The following KCNJ15 variants were observed in gnomAD, a reference collection of about 807,000 sequenced individuals.
KCNJ15 encodes the protein potassium inwardly rectifying channel subfamily J member 15.
KCNJ15 carries 14 observed loss-of-function variants against 23.0 expected under a neutral mutation model. The ratio of observed to expected loss-of-function variants is 0.61; its 90% CI spans 0.40 to 0.95. The LOEUF (loss-of-function observed/expected upper bound fraction) is 0.95. KCNJ15 is among the 40% of genes least tolerant of loss of function. The probability of loss-of-function intolerance (pLI) is 0.00; values close to 1 mark genes in which losing one functional copy is unlikely to be tolerated. For synonymous variants in KCNJ15, 185 were observed against 183.2 expected (o/e 1.01, Z -0.08); for missense variants, 388 against 461.8 (o/e 0.84, Z 1.46).
chr21:38,275,101 G>C (rs1460966829), intron 1 of KCNJ15, among the ~76,000 whole-genome samples: 1 of 152,050 alleles, frequency 6.6e-6, no homozygotes, highest in African/African-American at 2.4e-5. Context: ...TTCCACTCCT[G>C]TTCAACCTTT....
intron 1 of KCNJ15, among the ~76,000 whole-genome samples, chr21:38,260,277 T>G (rs915116361): frequency 6.6e-6 from 1 of 152,186 alleles, no homozygotes; most frequent in Non-Finnish European, 1.5e-5. Flanking sequence ...TCTGGATGAA[T>G]TCAGATGATA....
intron 1 of KCNJ15, among the ~76,000 whole-genome samples, chr21:38,288,698 GT>G (rs1984247065): frequency 6.6e-6 from 1 of 152,180 alleles, no homozygotes; most frequent in African/African-American, 2.4e-5. Flanking sequence ...CAACATCTTA[GT>G]GAGAGAGATA....
intron 1 of KCNJ15, among the ~76,000 whole-genome samples, chr21:38,242,888 A>T (rs1226713285): frequency 6.6e-6 from 1 of 152,194 alleles, no homozygotes; most frequent in Non-Finnish European, 1.5e-5. Flanking sequence ...CAGTCTCCAT[A>T]TCCTATGGAA....
intron 1 of KCNJ15, among the ~76,000 whole-genome samples, chr21:38,263,220 A>G (rs888753354): frequency 1.3e-5 from 2 of 152,050 alleles, no homozygotes; most frequent in African/African-American, 4.8e-5. Context: ...GAACTGGGGG[A>G]GAACTCTCAG....
intron 1 of KCNJ15, among the ~76,000 whole-genome samples, chr21:38,240,314 G>A (rs1978906605): frequency 6.6e-6 from 1 of 152,164 alleles, no homozygotes; most frequent in Non-Finnish European, 1.5e-5. Flanking sequence ...CTTCCTTAGA[G>A]GCCTAATGAT....
At chr21:38,277,507 T>C (rs1183133771) in intron 1 of KCNJ15, among the ~76,000 whole-genome samples, 1 of 152,158 alleles carries the variant, frequency 6.6e-6, no homozygotes, top group Non-Finnish European at 1.5e-5. Context: ...AAATAATTAA[T>C]CATAACTAAG....
At chr21:38,275,339 C>G (rs2123660419) in intron 1 of KCNJ15, among the ~76,000 whole-genome samples, 1 of 151,920 alleles carries the variant, frequency 6.6e-6, no homozygotes, top group South Asian at 2.1e-4. Context: ...AATTCATTGC[C>G]AGTGTAGTTC....
At chr21:38,277,027 T>TTGTGTGTGTG (rs3988469) in intron 1 of KCNJ15, among the ~76,000 whole-genome samples, 4 of 149,842 alleles carry the variant, frequency 2.7e-5, no homozygotes, top group African/African-American at 7.4e-5. Context: ...GATTAAAAAA[T>TTGTGTGTGTG]TGTGTGTGTG....
chr21:38,245,513 C>G (rs1979303008), intron 1 of KCNJ15, among the ~76,000 whole-genome samples: 1 of 150,854 alleles, frequency 6.6e-6, no homozygotes, highest in African/African-American at 2.4e-5. Flanking sequence ...AAGACTGTAT[C>G]TGAAACCAGG....
intron 1 of KCNJ15, among the ~76,000 whole-genome samples, chr21:38,283,804 T>A (rs116696388): frequency 7.3e-5 from 11 of 151,204 alleles, no homozygotes; most frequent in African/African-American, 2.7e-4. Flanking sequence ...CAATGTAGAA[T>A]GTTCACATGT....
chr21:38,278,803 C>G (rs1569004351), intron 1 of KCNJ15, among the ~76,000 whole-genome samples: 1 of 152,110 alleles, frequency 6.6e-6, no homozygotes, highest in Non-Finnish European at 1.5e-5. Context: ...CAGGTAACAA[C>G]CTAAGGAGTG....
upstream of KCNJ15, among the ~76,000 whole-genome samples, chr21:38,255,683 G>A (rs947538337): frequency 1.3e-5 from 2 of 152,176 alleles, no homozygotes; most frequent in Non-Finnish European, 2.9e-5. Context: ...AGAAAATAAG[G>A]AAGTCTCAGC....
chr21:38,258,675 G>A (rs1359766917), intron 1 of KCNJ15, among the ~76,000 whole-genome samples: 1 of 152,204 alleles, frequency 6.6e-6, no homozygotes, highest in Non-Finnish European at 1.5e-5. Flanking sequence ...TACAGAAATT[G>A]CCTTAGTTGA....
chr21:38,269,836 A>T (rs184754841), intron 1 of KCNJ15, among the ~76,000 whole-genome samples: 1 of 152,168 alleles, frequency 6.6e-6, no homozygotes. Flanking sequence ...TAGCAGGCTT[A>T]ACTGGATCTA....
chr21:38,273,497 C>T (rs1465880941), intron 1 of KCNJ15, among the ~76,000 whole-genome samples: 1 of 152,188 alleles, frequency 6.6e-6, no homozygotes, highest in Non-Finnish European at 1.5e-5. Flanking sequence ...ATATTAAAAC[C>T]TATTCATGTC....
At chr21:38,255,402 G>C (rs572196866), upstream of KCNJ15, among the ~76,000 whole-genome samples, 7 of 152,132 alleles carry the variant, frequency 4.6e-5, no homozygotes, top group Non-Finnish European at 1.0e-4. Context: ...GCATATCCTC[G>C]CGGGAGGTCT....
intron 1 of KCNJ15, among the ~76,000 whole-genome samples, chr21:38,261,162 C>T (rs1218743821): frequency 5.3e-5 from 8 of 152,124 alleles, no homozygotes; most frequent in Non-Finnish European, 8.8e-5. Context: ...CTGCTTCAGT[C>T]GGAGCTGCCC....
At chr21:38,254,356 A>C (rs1601149213), upstream of KCNJ15, among the ~76,000 whole-genome samples, 1 of 152,340 alleles carries the variant, frequency 6.6e-6, no homozygotes, top group East Asian at 1.9e-4. Flanking sequence ...CATATCACCA[A>C]ATGAAAAGTA....
At chr21:38,261,913 A>C (rs537098018) in intron 1 of KCNJ15, among the ~76,000 whole-genome samples, 1 of 152,202 alleles carries the variant, frequency 6.6e-6, no homozygotes, top group Admixed American at 6.5e-5. Flanking sequence ...TTTTTTCCTT[A>C]GTTTCTATTA....
Sources: gnomAD v4.1 joint callset for allele counts (sites outside exome capture counted in the v4.1 genomes callset) on GRCh38, gnomAD v4.1.1 for gene constraint, MANE v1.5 for transcripts, NCBI Gene and HGNC (gene_info 2026-07-23, HGNC 2026-07-21) for gene names.